Variants in NBEAL1 observed in about 807,000 individuals in gnomAD.
NBEAL1 encodes the protein neurobeachin like 1.
NBEAL1 carries 273 observed loss-of-function variants against 351.3 expected under a neutral mutation model. The observed-to-expected ratio is 0.78, with a 90% CI of 0.70 to 0.86. The LOEUF (loss-of-function observed/expected upper bound fraction) is 0.86, where lower values mean the gene tolerates loss of function less well. Ranked by LOEUF, NBEAL1 falls within the 40% of genes least tolerant of loss-of-function variation. The pLI, the probability that NBEAL1 is intolerant of heterozygous loss-of-function variation, is 0.00. For missense variants in NBEAL1, 2,961 were observed against 3,201.3 expected (o/e 0.92, Z 1.81); for synonymous variants, 1,050 against 1,086.4 (o/e 0.97, Z 0.66).
At chr2:203,177,119 C>G (rs1161066618) in intron 42 of NBEAL1, among the ~76,000 whole-genome samples, 2 of 148,198 alleles carry the variant, frequency 1.3e-5, no homozygotes, top group Non-Finnish European at 3.0e-5. Context: ...CCACTGTACT[C>G]CAGACTGGGT....
Position 203,115,995 on chromosome 2 carries a change from T to A in NBEAL1, c.2517T>A (p.Cys839Ter). 6.4e-7 allele frequency: 1 copy of A among 1,552,462 alleles called. No homozygotes were observed. Among genetic ancestry groups the A allele is most frequent in the East Asian group, 2.4e-5 (1 of 41,264 alleles). ...VKALYLAGPN[C>*]LSPWKCQESD... ...GTAAATAATTTTCAGGTCCAAATTG[T>A]TTAAGCCCTTGGAAGTGTCAAGAGT... Residue 839 changes from cysteine to a stop codon, truncating the protein, a stop_gained, in exon 18 of 56, where the codon TGT (cysteine) becomes TGA (stop). Coordinates refer to ENST00000683969, the MANE Select transcript of NBEAL1 (RefSeq NM_001378026.1). LOFTEE classifies it high-confidence loss of function.
chr2:203,087,055 T>G, intron 10 of NBEAL1, among the ~76,000 whole-genome samples: 1 of 152,060 alleles, frequency 6.6e-6, no homozygotes, highest in East Asian at 1.9e-4. Context: ...TTTGCCAGAT[T>G]ATGGCAACAT....
At position 203,054,100 on chromosome 2, in the gene NBEAL1, C is replaced by T. The variant is rs1180338523; in HGVS notation, c.306-2327C>T. 2.0e-5 allele frequency among the ~76,000 whole-genome samples: 3 copies of T among 152,216 alleles called. No homozygotes were observed. In the East Asian group the frequency reaches 5.8e-4, roughly 30 times the overall value. ...GCCTCCTGAGTAGCTGGGAGGCACA[C>T]CACCATGCCTGGCCAATTGTTTTAA... On this transcript the variant is annotated intron_variant, in intron 4 of 55. Coordinates refer to ENST00000683969, the MANE Select transcript of NBEAL1 (RefSeq NM_001378026.1).
intron 7 of NBEAL1, among the ~76,000 whole-genome samples, chr2:203,071,338 GAA>G (rs1189651962): frequency 6.6e-6 from 1 of 152,114 alleles, no homozygotes; most frequent in Non-Finnish European, 1.5e-5. Flanking sequence ...TCACATGTTG[GAA>G]AAAGACTGTT....
Position 203,133,489 on chromosome 2 carries a change from C to T in NBEAL1, c.3813+343C>T, listed in dbSNP as rs1055011001. Among the ~76,000 whole-genome samples the T allele has an allele frequency of 2.0e-5, 3 of 151,854 alleles. No individual in the cohort carries two copies. The South Asian group carries it at 6.2e-4, about 31-fold the overall frequency. On this transcript the variant is annotated intron_variant, in intron 27 of 55. Transcript: ENST00000683969. ...GAGTTTCTGAATCTTTTGAAACTTT[C>T]TGGAAATAATTTTCTATAATTTGTT...
At chr2:203,066,323 C>CT (rs35459326) in intron 6 of NBEAL1, among the ~76,000 whole-genome samples, 14,405 of 139,926 alleles carry the variant, frequency 0.1, 1,148 homozygotes, top group African/African-American at 0.22. Context: ...AAATTTTATC[C>CT]TTTTTTTTTT....
In NBEAL1 at chr2:203,166,309, TG is replaced by T; in HGVS notation, c.5863+14del. The T allele has an allele frequency of 1.3e-6, 2 of 1,590,986 alleles. No homozygotes were observed. Among genetic ancestry groups the T allele is most frequent in the Non-Finnish European group, 1.7e-6 (2 of 1,174,114 alleles). ...TGAAAAAGAAGATGGTGAGGAGTTC[TG>T]GAAAAAATAATTTTTGCTGTTCAAT... is the stretch of plus-strand genomic sequence containing the variant. On this transcript the variant is annotated intron_variant, in intron 37 of 55. Coordinates refer to ENST00000683969, the MANE Select transcript of NBEAL1 (RefSeq NM_001378026.1).
chr2:203,190,212 A>ATG lies in NBEAL1; in HGVS notation c.6824-79_6824-78dup, dbSNP rs1431400988. 1.0e-5 allele frequency: 8 copies of ATG among 781,858 alleles called. No individual in the cohort carries two copies. In the African/African-American group the frequency reaches 1.1e-4, roughly 10 times the overall value. 48.4% of individuals were successfully genotyped at this position (781,858 alleles called of 1,614,324 possible). A position where few individuals can be genotyped will look rare whatever the true frequency, so the allele number is the denominator to read the frequency against. ...CACACACACACACACACACACACCA[A>ATG]TGAGCCTGATACATTAATCAGTGAT... is the stretch of plus-strand genomic sequence containing the variant. On this transcript the variant is annotated intron_variant, in intron 45 of 55. Transcript: ENST00000683969.
At chr2:203,051,739 A>AT (rs1286950417) in intron 4 of NBEAL1, among the ~76,000 whole-genome samples, 1 of 152,062 alleles carries the variant, frequency 6.6e-6, no homozygotes, top group Non-Finnish European at 1.5e-5. Context: ...TGCTCAACAA[A>AT]TTTTTTGGTT....
rs1477203291 is a variant in NBEAL1 at position 203,036,760 on chromosome 2, C to G, written c.52-5005C>G. Among the ~76,000 whole-genome samples the G allele has an allele frequency of 4.7e-5, 7 of 149,016 alleles. 1 individual carries two copies. The highest frequency in any genetic ancestry group is 1.4e-4 in the Admixed American group (2 of 14,772). ...ATTTTGTAGGTGAACTCTGTGCTTG[C>G]CAAACACTTGGTAGCCAGACCTTTA... On this transcript the variant is annotated intron_variant, in intron 2 of 55. Coordinates refer to ENST00000683969, the MANE Select transcript of NBEAL1 (RefSeq NM_001378026.1).
intron 12 of NBEAL1, among the ~76,000 whole-genome samples, chr2:203,101,208 C>G (rs2062312132): frequency 6.6e-6 from 1 of 152,168 alleles, no homozygotes; most frequent in African/African-American, 2.4e-5. Context: ...CAGTTTCAGT[C>G]TTCTGCATAT....
Position 203,120,016 on chromosome 2 carries a change from C to A in NBEAL1, c.2593-2238C>A, listed in dbSNP as rs181405156. Among the ~76,000 whole-genome samples the A allele has an allele frequency of 4.1e-4, 62 of 152,174 alleles. No individual in the cohort carries two copies. The East Asian group carries it at 0.012, about 29-fold the overall frequency. On this transcript the variant is annotated intron_variant, in intron 18 of 55. Coordinates refer to ENST00000683969, the MANE Select transcript of NBEAL1 (RefSeq NM_001378026.1). Reference sequence around the variant, plus strand: ...TTCTTAGTCCAAGAATTATGCTATACCCTTACAATACAAAGATAAATAAAT... The same window carrying A: ...TTCTTAGTCCAAGAATTATGCTATAACCTTACAATACAAAGATAAATAAAT...
At chr2:203,150,606 G>A (rs969140798) in intron 34 of NBEAL1, among the ~76,000 whole-genome samples, 3 of 151,422 alleles carry the variant, frequency 2.0e-5, no homozygotes, top group African/African-American at 7.3e-5. Context: ...CTGTTTTTTT[G>A]GGTTTTTTTG....
chr2:203,119,218 C>T (rs998065084), intron 18 of NBEAL1, among the ~76,000 whole-genome samples: 7 of 150,494 alleles, frequency 4.7e-5, no homozygotes, highest in African/African-American at 1.2e-4. Context: ...CCTAGGTGGC[C>T]GTGCAGTGGT....
chr2:203,077,145 C>T (rs1444302560), intron 7 of NBEAL1, among the ~76,000 whole-genome samples: 2 of 151,962 alleles, frequency 1.3e-5, no homozygotes, highest in African/African-American at 4.8e-5. Context: ...GGTGTGGTGG[C>T]TCATGCCTGT....
At chr2:203,067,094 G>A (rs1296664644) in intron 6 of NBEAL1, among the ~76,000 whole-genome samples, 1 of 152,058 alleles carries the variant, frequency 6.6e-6, no homozygotes, top group Non-Finnish European at 1.5e-5. Flanking sequence ...CCGGGCAGAG[G>A]CGCTCCTCAC....
At chr2:203,075,349 A>G (rs1298868521) in intron 7 of NBEAL1, among the ~76,000 whole-genome samples, 1 of 152,164 alleles carries the variant, frequency 6.6e-6, no homozygotes, top group Non-Finnish European at 1.5e-5. Context: ...TCAGATACTA[A>G]TATAGCCACC....
chr2:203,137,132 A>G (rs2063232962), intron 29 of NBEAL1, among the ~76,000 whole-genome samples: 1 of 152,282 alleles, frequency 6.6e-6, no homozygotes, highest in African/African-American at 2.4e-5. Flanking sequence ...GGTTTTCATG[A>G]TAATTATTTC....
chr2:203,195,082 C>T (rs1267510600), intron 47 of NBEAL1, among the ~76,000 whole-genome samples: 1 of 151,362 alleles, frequency 6.6e-6, no homozygotes. Context: ...CCTGTAGTCC[C>T]AGCTACTCGG....
Sources: gnomAD v4.1 joint callset for allele counts (sites outside exome capture counted in the v4.1 genomes callset) on GRCh38, gnomAD v4.1.1 for gene constraint, MANE v1.5 for transcripts, NCBI Gene and HGNC (gene_info 2026-07-23, HGNC 2026-07-21) for gene names.